Variants in TMEM192 observed in about 807,000 individuals in gnomAD.
TMEM192 encodes the protein transmembrane protein 192.
Under a neutral mutation model 26.7 loss-of-function variants are expected in TMEM192, and 20 were observed. The ratio of observed to expected loss-of-function variants is 0.75; its 90% CI spans 0.53 to 1.09. The LOEUF (loss-of-function observed/expected upper bound fraction) is 1.09, where lower values mean the gene tolerates loss of function less well. Ranked by LOEUF, TMEM192 falls within the 50% of genes least tolerant of loss-of-function variation. The pLI is 0.00. For synonymous variants in TMEM192, 124 were observed against 121.0 expected, an observed-to-expected ratio of 1.02 and a Z score of -0.16; for missense variants, 304 against 322.6, an observed-to-expected ratio of 0.94 and a Z score of 0.44.
At chr4:165,090,858 C>G (rs1578903978) in intron 3 of TMEM192, among the ~76,000 whole-genome samples, 1 of 140,140 alleles carries the variant, frequency 7.1e-6, no homozygotes, top group Non-Finnish European at 1.5e-5. Flanking sequence ...GAGCTGAGAT[C>G]GTGCCACTGC....
chr4:165,090,643 A>C (rs1734736410), intron 3 of TMEM192, among the ~76,000 whole-genome samples: 1 of 151,730 alleles, frequency 6.6e-6, no homozygotes, highest in African/African-American at 2.4e-5. Context: ...GGTGGCTCAC[A>C]CTTGTAATCC....
intron 3 of TMEM192, among the ~76,000 whole-genome samples, chr4:165,091,050 G>C (rs900726823): frequency 6.6e-6 from 1 of 151,874 alleles, no homozygotes; most frequent in Non-Finnish European, 1.5e-5. Flanking sequence ...CGGATCACAA[G>C]GCCAGGAGAT....
intron 3 of TMEM192, among the ~76,000 whole-genome samples, chr4:165,098,728 G>A (rs6832767): frequency 0.12 from 18,748 of 151,140 alleles, 1,379 homozygotes; most frequent in East Asian, 0.3. Flanking sequence ...GCAGTGTTCC[G>A]CTCTTGTTGC....
intron 3 of TMEM192, among the ~76,000 whole-genome samples, chr4:165,096,048 C>T (rs1051032488): frequency 6.6e-6 from 1 of 151,436 alleles, no homozygotes; most frequent in Non-Finnish European, 1.5e-5. Context: ...CTGCCTGCCT[C>T]GACCTCCCAA....
chr4:165,112,762 CCCCGCCGCCATTT>C lies in TMEM192; in HGVS notation c.-2_11del. 8 of 1,608,416 alleles carry C rather than the reference CCCCGCCGCCATTT, an allele frequency of 5.0e-6. No homozygotes were observed. Among genetic ancestry groups the C allele is most frequent in the Non-Finnish European group, 6.8e-6 (8 of 1,179,070 alleles). On this transcript the variant is annotated start_lost and 5_prime_UTR_variant, in exon 1 of 6. Coordinates refer to ENST00000306480, the MANE Select transcript of TMEM192 (RefSeq NM_001100389.2). ...GTGCACTCACGTCCTCCATCCTGCC[CCCCGCCGCCATTT>C]CCCGACGCCGGAGGCCGAAGCCCTG...
chr4:165,087,694 C>G (rs1048071048), intron 4 of TMEM192, among the ~76,000 whole-genome samples: 25 of 152,064 alleles, frequency 1.6e-4, no homozygotes, highest in African/African-American at 5.3e-4. Flanking sequence ...AATCCCAGCA[C>G]TTTGGGAGGC....
chr4:165,074,720 G>A lies in TMEM192; in HGVS notation c.*4938C>T, dbSNP rs28450893. 126,595 of 151,458 alleles carry A rather than the reference G, an allele frequency of 0.84. 54,111 individuals carry two copies. The highest frequency in any genetic ancestry group is 0.95 in the East Asian group (4,838 of 5,114). 9.4% of individuals were successfully genotyped at this position (151,458 alleles called of 1,614,324 possible). A position where few individuals can be genotyped will look rare whatever the true frequency, so the allele number is the denominator to read the frequency against. On this transcript the variant is annotated 3_prime_UTR_variant, in exon 6 of 6. Coordinates refer to ENST00000306480, the MANE Select transcript of TMEM192 (RefSeq NM_001100389.2). ...GGCCTCCCAAAGTGCTGGAATTACC[G>A]GTGTGAGCCACTGCGCCCAGCCTTA... is the stretch of plus-strand genomic sequence containing the variant.
In TMEM192 at chr4:165,100,999, C is replaced by T. The variant is rs1578911151; in HGVS notation, c.175-107G>A. Reference sequence around the variant, plus strand: ...TTTTTTTTTTTTTTTTTTTCTGAGACAGAGTCTCACTCTGTCGCCCAGGCT... The same window carrying T: ...TTTTTTTTTTTTTTTTTTTCTGAGATAGAGTCTCACTCTGTCGCCCAGGCT... On this transcript the variant is annotated intron_variant, in intron 2 of 5. Coordinates refer to ENST00000306480, the MANE Select transcript of TMEM192 (RefSeq NM_001100389.2). 3.6e-6 allele frequency: 4 copies of T among 1,097,184 alleles called. No homozygotes were observed. The East Asian group carries it at 8.3e-5, about 23-fold the overall frequency. 68.0% of individuals were successfully genotyped at this position (1,097,184 alleles called of 1,614,324 possible).
intron 1 of TMEM192, among the ~76,000 whole-genome samples, chr4:165,106,735 G>GA (rs986140501): frequency 1.3e-5 from 2 of 152,196 alleles, no homozygotes; most frequent in African/African-American, 4.8e-5. Flanking sequence ...GCTGCCGACT[G>GA]AAGGCTGCGC....
In TMEM192 at chr4:165,092,653, C is replaced by T. The variant is rs1734794584; in HGVS notation, c.440-4051G>A. On this transcript the variant is annotated intron_variant, in intron 3 of 5. Coordinates refer to ENST00000306480, the MANE Select transcript of TMEM192 (RefSeq NM_001100389.2). ...CATCTTATCTTAGATTTTTCTAAAG[C>T]TTATTTAACATATTTATGTGAGTCT... Among the ~76,000 whole-genome samples, 4 of 152,094 alleles carry T rather than the reference C, an allele frequency of 2.6e-5. No homozygotes were observed. The South Asian group carries it at 8.3e-4, about 32-fold the overall frequency.
chr4:165,086,721 G>A (rs1198146352), intron 4 of TMEM192, among the ~76,000 whole-genome samples: 2 of 151,106 alleles, frequency 1.3e-5, no homozygotes, highest in African/African-American at 2.4e-5. Context: ...CACCAGGCCC[G>A]GCCTAAGACA....
chr4:165,100,162 C>CTTTT (rs35075062), intron 3 of TMEM192, among the ~76,000 whole-genome samples: 2 of 134,724 alleles, frequency 1.5e-5, no homozygotes, highest in Non-Finnish European at 3.1e-5. Flanking sequence ...AATAAAAGTT[C>CTTTT]TTTTTTTTTT....
rs1734262490 is a variant in TMEM192, at chr4:165,070,943, A to G, written c.*8715T>C. The G allele has an allele frequency of 6.6e-6, 1 of 152,152 alleles. No homozygotes were observed. Among genetic ancestry groups the G allele is most frequent in the Non-Finnish European group, 1.5e-5 (1 of 68,044 alleles). 9.4% of individuals were successfully genotyped at this position (152,152 alleles called of 1,614,324 possible). ...TAGAGCTTACATTCTATCAGGAGAC[A>G]CAGACAAAGTAAACAAGTAAGTTAC... is the stretch of plus-strand genomic sequence containing the variant. On this transcript the variant is annotated 3_prime_UTR_variant, in exon 6 of 6. Coordinates refer to ENST00000306480, the MANE Select transcript of TMEM192 (RefSeq NM_001100389.2).
At chr4:165,108,127 TTTTTTTTTTTTTG>T (rs976638043) in intron 1 of TMEM192, among the ~76,000 whole-genome samples, 3 of 64,512 alleles carry the variant, frequency 4.7e-5, no homozygotes, top group African/African-American at 1.1e-4. Context: ...TTTTTTTTTT[TTTTTTTTTTTTTG>T]GAGATGTAGT....
rs926964599 is a variant in TMEM192, at chr4:165,075,075, C to G, written c.*4583G>C. The G allele has an allele frequency of 2.0e-5, 3 of 152,114 alleles. No individual in the cohort carries two copies. Among genetic ancestry groups the G allele is most frequent in the Non-Finnish European group, 2.9e-5 (2 of 68,030 alleles). The allele number at this position is 152,114 out of a possible 1,614,324, so 9.4% of individuals were successfully genotyped here. ...GGGTCAAGACTTAAATAAGGTAACA[C>G]CCACTATTGGTAAGGGTATGGAGAC... On this transcript the variant is annotated 3_prime_UTR_variant, in exon 6 of 6. Transcript: ENST00000306480.
intron 1 of TMEM192, among the ~76,000 whole-genome samples, chr4:165,103,739 C>T (rs1271165639): frequency 6.6e-6 from 1 of 152,114 alleles, no homozygotes; most frequent in Non-Finnish European, 1.5e-5. Context: ...TCAGGCTGGT[C>T]GCGAACTCCT....
At chr4:165,093,609 A>G (rs1199179806) in intron 3 of TMEM192, among the ~76,000 whole-genome samples, 1 of 152,000 alleles carries the variant, frequency 6.6e-6, no homozygotes, top group Non-Finnish European at 1.5e-5. Flanking sequence ...GAAGAAGACC[A>G]CCCTGTACAA....
At chr4:165,100,288 T>C (rs1480327797) in intron 3 of TMEM192, among the ~76,000 whole-genome samples, 1 of 151,554 alleles carries the variant, frequency 6.6e-6, no homozygotes, top group African/African-American at 2.4e-5. Context: ...GCCTCCTGAG[T>C]AGCTGGGATT....
Position 165,072,968 on chromosome 4 carries a change from G to C in TMEM192, c.*6690C>G, listed in dbSNP as rs921587508. ...TGAGACCACCAAGAGAGTGAACGCT[G>C]ATGGAGAAGCCAAGAGGCCCAGGGG... On this transcript the variant is annotated 3_prime_UTR_variant, in exon 6 of 6. Coordinates refer to ENST00000306480, the MANE Select transcript of TMEM192 (RefSeq NM_001100389.2). 1 of 152,106 alleles carries C rather than the reference G, an allele frequency of 6.6e-6. No homozygotes were observed. The highest frequency in any genetic ancestry group is 2.4e-5 in the African/African-American group (1 of 41,390). 9.4% of individuals were successfully genotyped at this position (152,106 alleles called of 1,614,324 possible). A position where few individuals can be genotyped will look rare whatever the true frequency, so the allele number is the denominator to read the frequency against.
Sources: allele counts gnomAD v4.1 joint callset (sites outside exome capture counted in the v4.1 genomes callset), GRCh38; gene constraint gnomAD v4.1.1; transcripts MANE v1.5; gene names NCBI Gene and HGNC (gene_info 2026-07-23, HGNC 2026-07-21).